The following CIROZ variants were observed in gnomAD, a reference collection of about 807,000 sequenced individuals.
The protein encoded by CIROZ is ciliated left-right organizer protein containing ZP-N domains, also known as ciliated left-right organizer ZP-N domains-containing protein.
chr1:10,976,308 T>C, the CIROZ span: 2 of 1,063,492 alleles, frequency 1.9e-6, no homozygotes, highest in Non-Finnish European at 2.7e-6. Context: ...AGCTGCTGCC[T>C]CATCTACCTT....
At chr1:10,957,055 T>G in the CIROZ span, 1 of 1,550,886 alleles carries the variant, frequency 6.4e-7, no homozygotes, top group African/African-American at 1.4e-5. Context: ...AGAATAGGCA[T>G]GGTGACCGCT....
At chr1:10,969,430 T>A in the CIROZ span, among the ~76,000 whole-genome samples, 147 of 152,222 alleles carry the variant, frequency 9.7e-4, 1 homozygote, top group African/African-American at 3.4e-3. Context: ...TGTTTGCTAT[T>A]TTAGGTGCGC....
the CIROZ span, among the ~76,000 whole-genome samples, chr1:10,967,057 G>A: frequency 6.6e-6 from 1 of 150,794 alleles, no homozygotes; most frequent in Non-Finnish European, 1.5e-5. Context: ...GTTGAGGCAC[G>A]AGAATCACTT....
chr1:10,958,601 C>T, the CIROZ span: 2 of 1,276,836 alleles, frequency 1.6e-6, no homozygotes, highest in East Asian at 2.3e-5. Flanking sequence ...ATCCACGACA[C>T]TCTCCGGAGG....
chr1:10,975,995 G>C, the CIROZ span, among the ~76,000 whole-genome samples: 1 of 152,156 alleles, frequency 6.6e-6, no homozygotes, highest in Admixed American at 6.6e-5. Context: ...CCGCTTCCTT[G>C]TTGGGAGAAT....
At chr1:10,981,884 A>G in the CIROZ span, 2 of 1,203,110 alleles carry the variant, frequency 1.7e-6, no homozygotes, top group Admixed American at 2.2e-5. Context: ...CCCCTCACCC[A>G]TTTGGCCCCC....
the CIROZ span, chr1:10,970,215 T>C: frequency 4.3e-6 from 4 of 932,786 alleles, no homozygotes; most frequent in Non-Finnish European, 6.3e-6. Flanking sequence ...TTCAATGGAA[T>C]AGTCAGGAAA....
the CIROZ span, among the ~76,000 whole-genome samples, chr1:10,962,503 A>G: frequency 2.0e-5 from 3 of 152,314 alleles, no homozygotes; most frequent in East Asian, 3.9e-4. Context: ...ACATACAATT[A>G]TAGATTTCCA....
At chr1:10,952,934 TTGAA>T in the CIROZ span, among the ~76,000 whole-genome samples, 1 of 152,238 alleles carries the variant, frequency 6.6e-6, no homozygotes, top group East Asian at 1.9e-4. Context: ...CAACTGCTTA[TTGAA>T]TATCTGTTGG....
the CIROZ span, among the ~76,000 whole-genome samples, chr1:10,964,472 C>A: frequency 6.6e-6 from 1 of 152,334 alleles, no homozygotes; most frequent in East Asian, 1.9e-4. Flanking sequence ...GCTCAGCCCC[C>A]ACCAAGGAAG....
At chr1:10,960,670 C>G in the CIROZ span, among the ~76,000 whole-genome samples, 1 of 152,246 alleles carries the variant, frequency 6.6e-6, no homozygotes, top group Admixed American at 6.5e-5. This position sits in a 1 kb window ranked among gnomAD's most constrained non-coding sequence, Gnocchi z 4.6. Flanking sequence ...GCTCGCAGAT[C>G]GCTGCGAGCA....
the CIROZ span, among the ~76,000 whole-genome samples, chr1:10,963,743 A>T: frequency 2.0e-5 from 3 of 152,196 alleles, no homozygotes; most frequent in Non-Finnish European, 4.4e-5. Context: ...AGGTCAAAAA[A>T]AAAAAGCATC....
chr1:10,977,084 G>A, the CIROZ span, among the ~76,000 whole-genome samples: 2 of 152,134 alleles, frequency 1.3e-5, no homozygotes, highest in African/African-American at 4.8e-5. Context: ...ACCTGGGCCC[G>A]GGAAGTCAAG....
the CIROZ span, among the ~76,000 whole-genome samples, chr1:10,972,005 C>A: frequency 1.3e-5 from 2 of 152,356 alleles, no homozygotes; most frequent in Admixed American, 1.3e-4. Flanking sequence ...TTATGTCTAA[C>A]CTGTTCACCA....
At chr1:10,966,219 G>A in the CIROZ span, 4 of 1,158,312 alleles carry the variant, frequency 3.5e-6, no homozygotes, top group African/African-American at 1.6e-5. Context: ...CTCCATGAGG[G>A]CAGAGACTTC....
chr1:10,950,324 C>G, the CIROZ span, among the ~76,000 whole-genome samples: 1 of 152,136 alleles, frequency 6.6e-6, no homozygotes, highest in Non-Finnish European at 1.5e-5. Context: ...AGTGAGCCAC[C>G]ACGACTGGCC....
chr1:10,957,505 T>C, the CIROZ span: 1 of 1,480,804 alleles, frequency 6.8e-7, no homozygotes, highest in Non-Finnish European at 9.0e-7. Flanking sequence ...ATCTGTCCAG[T>C]CTCGCAGGTG....
At chr1:10,960,522 G>A in the CIROZ span, among the ~76,000 whole-genome samples, 1 of 152,254 alleles carries the variant, frequency 6.6e-6, no homozygotes, top group Admixed American at 6.5e-5. The surrounding 1 kb of genome is among the most constrained non-coding windows in gnomAD (Gnocchi z 4.6). Context: ...CATTCCGCAG[G>A]AGCTCGGGCA....
At chr1:10,959,029 G>A in the CIROZ span, among the ~76,000 whole-genome samples, 5 of 152,210 alleles carry the variant, frequency 3.3e-5, no homozygotes, top group African/African-American at 9.7e-5. The surrounding 1 kb of genome is among the most constrained non-coding windows in gnomAD (Gnocchi z 4.3). Context: ...GGCCAAGAGC[G>A]GGTGTGCATG....
Sources: allele counts gnomAD v4.1 joint callset (sites outside exome capture counted in the v4.1 genomes callset), GRCh38; gene constraint gnomAD v4.1.1; non-coding constraint Gnocchi (gnomAD v3.1); transcripts MANE v1.5; gene names NCBI Gene and HGNC (gene_info 2026-07-23, HGNC 2026-07-21).